The following ATRNL1 variants were observed in gnomAD, a reference collection of about 807,000 sequenced individuals.
The protein encoded by ATRNL1 is attractin like 1, also known as attractin-like protein 1.
A neutral mutation model predicts 182.7 loss-of-function variants in ATRNL1; 95 were observed. The observed-to-expected ratio is 0.52, with a 90% CI of 0.44 to 0.62. The LOEUF (loss-of-function observed/expected upper bound fraction) is 0.62, where lower values mean the gene tolerates loss of function less well. Among genes scored for constraint, ATRNL1 ranks in the 20% least tolerant of loss-of-function variants. The pLI, the probability that ATRNL1 is intolerant of heterozygous loss-of-function variation, is 0.00. For missense variants in ATRNL1, 1,471 were observed against 1,679.5 expected (o/e 0.88, Z 2.17); for synonymous variants, 576 against 568.3 (o/e 1.01, Z -0.19).
chr10:115,558,360 G>T (rs1227013299), intron 26 of ATRNL1, among the ~76,000 whole-genome samples: 1 of 152,122 alleles, frequency 6.6e-6, no homozygotes, highest in East Asian at 1.9e-4. Flanking sequence ...CCAATTTGAG[G>T]TTCTTATTGG....
chr10:115,513,030 G>T (rs1379041714), intron 24 of ATRNL1, among the ~76,000 whole-genome samples: 1 of 151,914 alleles, frequency 6.6e-6, no homozygotes, highest in Non-Finnish European at 1.5e-5. Context: ...AACATTATGA[G>T]ATTTTTTTGC....
intron 8 of ATRNL1, among the ~76,000 whole-genome samples, chr10:115,194,665 G>A (rs1342091893): frequency 6.6e-6 from 1 of 151,624 alleles, no homozygotes; most frequent in Non-Finnish European, 1.5e-5. Context: ...TCTTTTGTTT[G>A]GAGAATTTAG....
At chr10:115,504,008 C>T (rs1218311305) in intron 24 of ATRNL1, among the ~76,000 whole-genome samples, 3 of 151,794 alleles carry the variant, frequency 2.0e-5, no homozygotes, top group African/African-American at 7.2e-5. Flanking sequence ...AAAAAGGACA[C>T]ACTTTTTTTC....
chr10:115,680,748 A>C (rs2133949008), intron 26 of ATRNL1, among the ~76,000 whole-genome samples: 1 of 152,280 alleles, frequency 6.6e-6, no homozygotes, highest in African/African-American at 2.4e-5. Context: ...ATTTTAAAGT[A>C]AGTTCAAGAA....
intron 25 of ATRNL1, among the ~76,000 whole-genome samples, chr10:115,522,514 G>A (rs1363254208): frequency 3.3e-5 from 5 of 152,138 alleles, no homozygotes; most frequent in East Asian, 1.9e-4. Context: ...AATCTCCAAC[G>A]ATGGGTATCA....
chr10:115,122,319 G>C (rs201209522), intron 3 of ATRNL1, among the ~76,000 whole-genome samples: 1 of 151,678 alleles, frequency 6.6e-6, no homozygotes, highest in African/African-American at 2.4e-5. Context: ...ATTGTTAGTC[G>C]TAAGGTAGAT....
At chr10:115,265,120 T>C in intron 10 of ATRNL1, 73 bp from the exon 11 acceptor site, 1 of 991,180 alleles carries the variant, frequency 1.0e-6, no homozygotes, top group Non-Finnish European at 1.5e-6. Flanking sequence ...ATTCGGCCAA[T>C]GATGTTTTCA....
chr10:115,816,486 C>T (rs959353825), intron 27 of ATRNL1, among the ~76,000 whole-genome samples: 1 of 152,068 alleles, frequency 6.6e-6, no homozygotes, highest in Admixed American at 6.6e-5. Flanking sequence ...GTATATATAG[C>T]TAACAAGTAA....
At chr10:115,185,980 A>G (rs958993400) in intron 8 of ATRNL1, among the ~76,000 whole-genome samples, 1 of 152,084 alleles carries the variant, frequency 6.6e-6, no homozygotes, top group African/African-American at 2.4e-5. Context: ...TGTCTCATCT[A>G]TTCAGTTTTG....
intron 26 of ATRNL1, among the ~76,000 whole-genome samples, chr10:115,566,436 ATT>A (rs1854080310): frequency 6.6e-6 from 1 of 152,180 alleles, no homozygotes; most frequent in Non-Finnish European, 1.5e-5. Flanking sequence ...ATAATTAGTA[ATT>A]TACATATAAC....
At chr10:115,785,163 A>G (rs1490763116) in intron 27 of ATRNL1, among the ~76,000 whole-genome samples, 2 of 152,234 alleles carry the variant, frequency 1.3e-5, no homozygotes, top group African/African-American at 4.8e-5. Flanking sequence ...TAGTAAACAA[A>G]TTATCTGCTT....
intron 26 of ATRNL1, among the ~76,000 whole-genome samples, chr10:115,601,152 T>C (rs1460226258): frequency 1.3e-5 from 2 of 152,140 alleles, no homozygotes; most frequent in Non-Finnish European, 2.9e-5. Flanking sequence ...AAAAGTATTT[T>C]GTATAATTTC....
At chr10:115,592,840 G>A (rs1855994533) in intron 26 of ATRNL1, among the ~76,000 whole-genome samples, 1 of 152,108 alleles carries the variant, frequency 6.6e-6, no homozygotes, top group Admixed American at 6.5e-5. Flanking sequence ...ATTATAGTCA[G>A]CTACATGTGC....
At chr10:115,597,523 G>T in intron 26 of ATRNL1, 1 of 344,466 alleles carries the variant, frequency 2.9e-6, no homozygotes, top group Non-Finnish European at 5.5e-6. Flanking sequence ...CAAAATATGA[G>T]AAAAAACTTT....
chr10:115,558,511 G>A (rs199774991), intron 26 of ATRNL1, among the ~76,000 whole-genome samples: 2 of 152,222 alleles, frequency 1.3e-5, no homozygotes, highest in Admixed American at 6.5e-5. Context: ...TGTGGCGGAA[G>A]GGGGAGGGCT....
At chr10:115,369,089 C>A (rs770427562) in intron 19 of ATRNL1, among the ~76,000 whole-genome samples, 49 of 152,000 alleles carry the variant, frequency 3.2e-4, no homozygotes, top group Non-Finnish European at 6.0e-4. Flanking sequence ...GGCTTATTTT[C>A]ACATAAAATA....
At chr10:115,195,410 C>T (rs1554890805) in intron 8 of ATRNL1, among the ~76,000 whole-genome samples, 1 of 152,034 alleles carries the variant, frequency 6.6e-6, no homozygotes, top group Non-Finnish European at 1.5e-5. Flanking sequence ...TTTCCTTCAG[C>T]ACTTTGAAAA....
chr10:115,284,498 T>G (rs1230567668), intron 14 of ATRNL1, among the ~76,000 whole-genome samples: 1 of 152,238 alleles, frequency 6.6e-6, no homozygotes, highest in Non-Finnish European at 1.5e-5. Flanking sequence ...CACAGTCTTA[T>G]TAAATGATAA....
At chr10:115,221,330 C>G (rs1849456134) in intron 9 of ATRNL1, among the ~76,000 whole-genome samples, 2 of 152,120 alleles carry the variant, frequency 1.3e-5, no homozygotes, top group South Asian at 4.1e-4. Flanking sequence ...TATGTATCCA[C>G]TGTATAGACT....
Sources: gnomAD v4.1 joint callset for allele counts (sites outside exome capture counted in the v4.1 genomes callset) on GRCh38, gnomAD v4.1.1 for gene constraint, MANE v1.5 for transcripts, NCBI Gene and HGNC (gene_info 2026-07-23, HGNC 2026-07-21) for gene names.